WDR25: variants seen among roughly 807,000 people sequenced by gnomAD.
WDR25 encodes WD repeat domain 25.
WDR25 carries 35 observed loss-of-function variants against 47.7 expected under a neutral mutation model. The observed-to-expected ratio is 0.73, with a 90% CI of 0.56 to 0.97. The LOEUF (loss-of-function observed/expected upper bound fraction) is 0.97, where lower values mean the gene tolerates loss of function less well. Among genes scored for constraint, WDR25 ranks in the 50% least tolerant of loss-of-function variants. The probability of loss-of-function intolerance (pLI) is 0.00; values close to 1 mark genes in which losing one functional copy is unlikely to be tolerated. For synonymous variants in WDR25, 248 were observed against 278.9 expected, an observed-to-expected ratio of 0.89 and a Z score of 1.10; for missense variants, 634 against 704.7, an observed-to-expected ratio of 0.90 and a Z score of 1.14.
rs2029981990 is a variant in WDR25 at position 100,523,876 on chromosome 14, G to A, written c.1102-1994G>A. Reference sequence around the variant, plus strand: ...CGGGTAGCAGCGTCCCATGCCAGCTGTTGGTGTAATTAAGGTTGCCATAAA... The same window carrying A: ...CGGGTAGCAGCGTCCCATGCCAGCTATTGGTGTAATTAAGGTTGCCATAAA... On this transcript the variant is annotated intron_variant, in intron 4 of 6. Transcript: ENST00000402312. This position sits in a 1 kb window ranked among gnomAD's most constrained non-coding sequence, Gnocchi z 4.7. Among the ~76,000 whole-genome samples, 1 of 152,166 alleles carries A rather than the reference G, an allele frequency of 6.6e-6. No individual in the cohort carries two copies. The highest frequency in any genetic ancestry group is 1.5e-5 in the Non-Finnish European group (1 of 68,026).
chr14:100,410,547 GA>G (rs1413179112), intron 2 of WDR25, among the ~76,000 whole-genome samples: 1 of 152,150 alleles, frequency 6.6e-6, no homozygotes, highest in Non-Finnish European at 1.5e-5. Flanking sequence ...GGGTAGGGGA[GA>G]AGACAGCATG....
intron 3 of WDR25, among the ~76,000 whole-genome samples, chr14:100,471,958 C>G (rs929207982): frequency 1.3e-5 from 2 of 152,182 alleles, no homozygotes; most frequent in African/African-American, 4.8e-5. Context: ...GAACGCTGGC[C>G]GACTCCACCA....
chr14:100,397,707 T>C (rs1314200459), intron 2 of WDR25, among the ~76,000 whole-genome samples: 1 of 152,162 alleles, frequency 6.6e-6, no homozygotes, highest in African/African-American at 2.4e-5. Context: ...AGAAAAGCAT[T>C]CCAGGCCAAG....
intron 2 of WDR25, among the ~76,000 whole-genome samples, chr14:100,414,771 A>G (rs1347876466): frequency 6.6e-6 from 1 of 151,858 alleles, no homozygotes; most frequent in Admixed American, 6.6e-5. Flanking sequence ...ACACCATCTT[A>G]TTTACATCTT....
intron 2 of WDR25, among the ~76,000 whole-genome samples, chr14:100,453,442 T>C (rs111633874): frequency 1.3e-5 from 2 of 152,188 alleles, no homozygotes; most frequent in African/African-American, 4.8e-5. Context: ...TTGAGTTAAT[T>C]CGGTTAACTC....
At chr14:100,483,843 G>A in intron 3 of WDR25, 151 bp from the exon 4 acceptor site, 2 of 923,002 alleles carry the variant, frequency 2.2e-6, no homozygotes, top group South Asian at 4.2e-5. Flanking sequence ...TGCCACCGCT[G>A]TCATATTTCC....
chr14:100,503,224 A>G (rs1900997822), intron 4 of WDR25, among the ~76,000 whole-genome samples: 1 of 152,108 alleles, frequency 6.6e-6, no homozygotes, highest in Non-Finnish European at 1.5e-5. Context: ...AGACCTCCCC[A>G]GTCACGCCCA....
chr14:100,429,926 C>A (rs958577484), intron 2 of WDR25, among the ~76,000 whole-genome samples: 2 of 152,070 alleles, frequency 1.3e-5, no homozygotes, highest in African/African-American at 4.8e-5. Flanking sequence ...ATTTAGCCTT[C>A]CTTCCTTCCT....
intron 2 of WDR25, among the ~76,000 whole-genome samples, chr14:100,423,482 C>A (rs1046748722): frequency 3.9e-5 from 6 of 152,148 alleles, no homozygotes; most frequent in Non-Finnish European, 8.8e-5. Context: ...GATCCTGGCA[C>A]AAAGGCTGGC....
chr14:100,489,918 C>T (rs1711695147), intron 4 of WDR25, among the ~76,000 whole-genome samples: 1 of 152,206 alleles, frequency 6.6e-6, no homozygotes, highest in Admixed American at 6.5e-5. Flanking sequence ...CTCCAGCATA[C>T]CCTGGTGTCA....
chr14:100,522,688 C>T (rs2029917237), intron 4 of WDR25, among the ~76,000 whole-genome samples: 1 of 152,192 alleles, frequency 6.6e-6, no homozygotes, highest in African/African-American at 2.4e-5. Context: ...CCTGTTGTTA[C>T]CCCTACTTTA....
intron 1 of WDR25, among the ~76,000 whole-genome samples, chr14:100,377,857 G>A (rs1896754770): frequency 6.6e-6 from 1 of 152,190 alleles, no homozygotes; most frequent in Non-Finnish European, 1.5e-5. Flanking sequence ...TAGGCTGTCT[G>A]GAATGACTTA....
At chr14:100,385,233 G>T (rs1374932121) in intron 2 of WDR25, among the ~76,000 whole-genome samples, 1 of 152,184 alleles carries the variant, frequency 6.6e-6, no homozygotes, top group African/African-American at 2.4e-5. Flanking sequence ...CATGTTAAGT[G>T]ATCGATAAAA....
chr14:100,437,615 C>G (rs146013664), intron 2 of WDR25, among the ~76,000 whole-genome samples: 2 of 152,264 alleles, frequency 1.3e-5, no homozygotes, highest in African/African-American at 4.8e-5. Context: ...AGCACCCAGA[C>G]ACTTGGGCAT....
At chr14:100,501,627 A>G (rs1163556253) in intron 4 of WDR25, among the ~76,000 whole-genome samples, 11 of 152,286 alleles carry the variant, frequency 7.2e-5, no homozygotes, top group Non-Finnish European at 1.5e-4. Context: ...GACACTCAGG[A>G]TGTGGGGGAA....
intron 2 of WDR25, among the ~76,000 whole-genome samples, chr14:100,412,133 G>A (rs189230150): frequency 2.6e-5 from 4 of 151,352 alleles, no homozygotes; most frequent in African/African-American, 9.7e-5. Context: ...CTCGAGTCCA[G>A]GAGTTCAAGG....
At chr14:100,513,351 C>T (rs1307974341) in intron 4 of WDR25, among the ~76,000 whole-genome samples, 1 of 152,144 alleles carries the variant, frequency 6.6e-6, no homozygotes, top group Non-Finnish European at 1.5e-5. Flanking sequence ...TTTACTCTTC[C>T]ATCTCTTCTG....
At position 100,430,610 on chromosome 14, in the gene WDR25, C is replaced by G. The variant is rs1034835857; in HGVS notation, c.823-37411C>G. 2.0e-5 allele frequency among the ~76,000 whole-genome samples: 3 copies of G among 152,146 alleles called. No individual in the cohort carries two copies. Among genetic ancestry groups the G allele is most frequent in the Non-Finnish European group, 4.4e-5 (3 of 68,044 alleles). On this transcript the variant is annotated intron_variant, in intron 2 of 6. Coordinates refer to ENST00000402312, the MANE Select transcript of WDR25 (RefSeq NM_001161476.3). This position sits in a 1 kb window ranked among gnomAD's most constrained non-coding sequence, Gnocchi z 4.7. The stretch of plus-strand genomic sequence containing the variant: ...TGATAACCTCGTACCTTATGCCAGG[C>G]AGGACTGTGGTCCCTGTTTGCAGAT...
rs1308276117 is a variant in WDR25, at chr14:100,499,792, A to AGTT, written c.1101+15669_1101+15671dup. 6.6e-6 allele frequency among the ~76,000 whole-genome samples: 1 copy of AGTT among 152,096 alleles called. No homozygotes were observed. Among genetic ancestry groups the AGTT allele is most frequent in the East Asian group, 1.9e-4 (1 of 5,192 alleles). On this transcript the variant is annotated intron_variant, in intron 4 of 6. Transcript: ENST00000402312. The surrounding 1 kb of genome is among the most constrained non-coding windows in gnomAD (Gnocchi z 4.4). Reference sequence around the variant, plus strand: ...CTGTGGAATGGGTCCCAGGGGGTGAAGTTCGCTGTGTTCTGCTTTGCTCCC... The same window carrying AGTT: ...CTGTGGAATGGGTCCCAGGGGGTGAAGTTGTTCGCTGTGTTCTGCTTTGCTCCC...
Sources: allele counts gnomAD v4.1 joint callset (sites outside exome capture counted in the v4.1 genomes callset), GRCh38; gene constraint gnomAD v4.1.1; non-coding constraint Gnocchi (gnomAD v3.1); transcripts MANE v1.5; gene names NCBI Gene and HGNC (gene_info 2026-07-23, HGNC 2026-07-21).